The following ECE1 variants were observed in gnomAD, a reference collection of about 807,000 sequenced individuals.
The protein encoded by ECE1 is endothelin converting enzyme 1.
Under a neutral mutation model 98.6 loss-of-function variants are expected in ECE1, and 35 were observed. That is an observed-to-expected ratio of 0.35 (90% CI 0.27 to 0.47). The LOEUF (loss-of-function observed/expected upper bound fraction) is 0.47, where lower values mean the gene tolerates loss of function less well. Among genes scored for constraint, ECE1 ranks in the 20% least tolerant of loss-of-function variants. ECE1 has a pLI of 1.00. For missense variants in ECE1, 814 were observed against 1,025.3 expected (o/e 0.79, Z 2.81); for synonymous variants, 394 against 407.1 (o/e 0.97, Z 0.39).
intron 1 of ECE1, among the ~76,000 whole-genome samples, chr1:21,337,861 C>T (rs988439226): frequency 1.3e-5 from 2 of 152,220 alleles, no homozygotes. Context: ...AAGGCCCACT[C>T]CTGCTGCACG....
intron 3 of ECE1, among the ~76,000 whole-genome samples, chr1:21,278,096 G>A (rs904685514): frequency 6.6e-6 from 1 of 152,174 alleles, no homozygotes; most frequent in African/African-American, 2.4e-5. Context: ...TGGGGTGAGC[G>A]ACCGAGTCAG....
chr1:21,221,435 G>A (rs28368049), intron 18 of ECE1, among the ~76,000 whole-genome samples: 1 of 152,142 alleles, frequency 6.6e-6, no homozygotes, highest in Non-Finnish European at 1.5e-5. Context: ...GCCGCCCAAA[G>A]TGCTGGGATT....
intron 4 of ECE1, among the ~76,000 whole-genome samples, chr1:21,264,712 C>T (rs927852692): frequency 6.6e-6 from 1 of 152,248 alleles, no homozygotes; most frequent in East Asian, 1.9e-4. Context: ...AAGCATCTCA[C>T]GCTTTTTACT....
intron 1 of ECE1, among the ~76,000 whole-genome samples, chr1:21,320,367 G>A (rs112682862): frequency 3.9e-5 from 6 of 152,214 alleles, no homozygotes; most frequent in East Asian, 1.9e-4. Flanking sequence ...AGAGGTAGGC[G>A]CTAAGCACGT....
intron 7 of ECE1, 65 bp from the exon 8 acceptor site, chr1:21,256,203 T>C: frequency 6.5e-7 from 1 of 1,529,362 alleles, no homozygotes; most frequent in Non-Finnish European, 8.8e-7. Flanking sequence ...CGAGAGTTGG[T>C]GGGGGGCTTG....
At chr1:21,229,127 C>T (rs2098178481) in intron 14 of ECE1, among the ~76,000 whole-genome samples, 1 of 152,092 alleles carries the variant, frequency 6.6e-6, no homozygotes, top group African/African-American at 2.4e-5. Flanking sequence ...AGGCATGAGC[C>T]ACTGCGCCGT....
intron 10 of ECE1, 31 bp from the exon 11 acceptor site, chr1:21,238,275 G>C: frequency 1.3e-6 from 2 of 1,569,510 alleles, no homozygotes; most frequent in Non-Finnish European, 1.7e-6. Flanking sequence ...GGCTCGCTGG[G>C]CCCCAGCCCT....
At chr1:21,269,775 G>A (rs1443515011) in intron 4 of ECE1, among the ~76,000 whole-genome samples, 1 of 152,246 alleles carries the variant, frequency 6.6e-6, no homozygotes, top group Non-Finnish European at 1.5e-5. Context: ...CTAAGTGGGA[G>A]AGAAGCCAGG....
At chr1:21,231,735 A>G (rs113734889) in intron 14 of ECE1, among the ~76,000 whole-genome samples, 254 of 152,228 alleles carry the variant, frequency 1.7e-3, no homozygotes, top group African/African-American at 5.6e-3. Context: ...GCTCACCGCA[A>G]CCTCAACCTC....
chr1:21,295,108 G>A (rs927465000), upstream of ECE1, among the ~76,000 whole-genome samples: 7 of 152,234 alleles, frequency 4.6e-5, no homozygotes, highest in African/African-American at 1.4e-4. Context: ...CCCTGAGCAA[G>A]TGACTCAGCC....
intron 2 of ECE1, among the ~76,000 whole-genome samples, chr1:21,284,480 G>A (rs1162494699): frequency 1.3e-5 from 2 of 152,218 alleles, no homozygotes; most frequent in African/African-American, 4.8e-5. Flanking sequence ...CCTCAAAAGA[G>A]AGAGGTGGAG....
chr1:21,287,460 A>T (rs2098261822), intron 2 of ECE1, among the ~76,000 whole-genome samples: 1 of 152,012 alleles, frequency 6.6e-6, no homozygotes, highest in Non-Finnish European at 1.5e-5. Flanking sequence ...TGGGAGGCGG[A>T]GGTTGCAGTG....
intron 1 of ECE1, among the ~76,000 whole-genome samples, chr1:21,311,581 G>C (rs144081413): frequency 6.6e-6 from 1 of 150,656 alleles, no homozygotes; most frequent in Admixed American, 6.6e-5. Flanking sequence ...TTCGGAGGTC[G>C]AGGTGGGAGG....
At chr1:21,279,119 C>A in intron 3 of ECE1, 72 bp downstream of exon 3, 3 of 1,612,684 alleles carry the variant, frequency 1.9e-6, no homozygotes, top group Non-Finnish European at 1.7e-6. Context: ...GCAGGGAAGC[C>A]CCCCTCGCCC....
chr1:21,335,230 A>C (rs1569784654), intron 1 of ECE1, among the ~76,000 whole-genome samples: 3 of 145,236 alleles, frequency 2.1e-5, no homozygotes, highest in South Asian at 2.2e-4. Context: ...CTCAGACATC[A>C]CCTCCTTTCC....
At chr1:21,344,621 G>A (rs1639462484) in intron 1 of ECE1, among the ~76,000 whole-genome samples, 2 of 152,098 alleles carry the variant, frequency 1.3e-5, no homozygotes, top group Admixed American at 1.3e-4. Context: ...CTCTTCTGGG[G>A]CTTTAGAGAG....
chr1:21,245,627 G>T (rs1012393749), intron 9 of ECE1, among the ~76,000 whole-genome samples: 8 of 152,198 alleles, frequency 5.3e-5, no homozygotes, highest in African/African-American at 1.9e-4. Flanking sequence ...TGCCACCGTT[G>T]CCAAGAAGTC....
chr1:21,301,777 G>C (rs1638488917), intron 1 of ECE1, among the ~76,000 whole-genome samples: 1 of 132,698 alleles, frequency 7.5e-6, no homozygotes, highest in African/African-American at 2.8e-5. Flanking sequence ...CGTGAGCCGA[G>C]ATTGCACCAC....
Position 21,340,833 on chromosome 1 carries a change from A to G in ECE1, c.3+4543T>C, listed in dbSNP as rs1043364700. Reference sequence around the variant, plus strand: ...GGTGACAGAGCAAGACTATGTCTCAATAAATAAGTAAATTAATTAAATTTA... The same window carrying G: ...GGTGACAGAGCAAGACTATGTCTCAGTAAATAAGTAAATTAATTAAATTTA... On this transcript the variant is annotated intron_variant, in intron 1 of 18. Transcript: ENST00000415912. This position sits in a 1 kb window ranked among gnomAD's most constrained non-coding sequence, Gnocchi z 4.6. 6.6e-6 allele frequency among the ~76,000 whole-genome samples: 1 copy of G among 152,160 alleles called. No individual in the cohort carries two copies.
Sources: gnomAD v4.1 joint callset for allele counts (sites outside exome capture counted in the v4.1 genomes callset) on GRCh38, gnomAD v4.1.1 for gene constraint, Gnocchi (gnomAD v3.1) non-coding constraint, MANE v1.5 for transcripts, NCBI Gene and HGNC (gene_info 2026-07-23, HGNC 2026-07-21) for gene names.